The following NRXN3 variants were observed in gnomAD, a reference collection of about 807,000 sequenced individuals.
NRXN3 encodes neurexin III.
In NRXN3, 32 loss-of-function variants were observed where a neutral mutation model predicts 137.6. The ratio of observed to expected loss-of-function variants is 0.23; its 90% confidence interval spans 0.18 to 0.31. NRXN3 has a LOEUF of 0.31. Among genes scored for constraint, NRXN3 ranks in the 10% least tolerant of loss-of-function variants. The pLI is 1.00. For missense variants in NRXN3, 1,574 were observed against 2,062.5 expected (o/e 0.76, Z 4.59); for synonymous variants, 798 against 784.5 (o/e 1.02, Z -0.29).
At chr14:78,720,128 C>T (rs1162144573) in intron 8 of NRXN3, among the ~76,000 whole-genome samples, 1 of 151,828 alleles carries the variant, frequency 6.6e-6, no homozygotes, top group African/African-American at 2.4e-5. Context: ...TTTTAGGTCT[C>T]TTCTTGGCCT....
intron 16 of NRXN3, among the ~76,000 whole-genome samples, chr14:79,600,841 G>T (rs1302721377): frequency 6.6e-6 from 1 of 151,884 alleles, no homozygotes; most frequent in African/African-American, 2.4e-5. Flanking sequence ...TGAGCCCGGA[G>T]AATCTGGTAG....
At chr14:78,242,231 C>T (rs1280728513) in intron 1 of NRXN3, among the ~76,000 whole-genome samples, 160 bp from the exon 2 acceptor site, 7 of 152,124 alleles carry the variant, frequency 4.6e-5, no homozygotes, top group African/African-American at 1.7e-4. Flanking sequence ...TGGAAGAACC[C>T]ACGGCCTCCC....
intron 2 of NRXN3, among the ~76,000 whole-genome samples, chr14:78,257,611 T>C (rs1027244762): frequency 1.3e-5 from 2 of 152,212 alleles, no homozygotes; most frequent in Non-Finnish European, 2.9e-5. Flanking sequence ...GGCAGCTCTA[T>C]GAGAGAGCAG....
At chr14:79,684,721 A>C (rs898747580) in intron 17 of NRXN3, among the ~76,000 whole-genome samples, 1 of 152,172 alleles carries the variant, frequency 6.6e-6, no homozygotes, top group Non-Finnish European at 1.5e-5. Context: ...AATTTTAAAA[A>C]ATCAAATATT....
chr14:78,596,637 G>A (rs1341410058), intron 4 of NRXN3, among the ~76,000 whole-genome samples: 7 of 152,234 alleles, frequency 4.6e-5, no homozygotes, highest in East Asian at 3.9e-4. Flanking sequence ...CAGTCTTAAA[G>A]AGCCATAGAG....
At chr14:79,304,802 C>T (rs1443390364) in intron 15 of NRXN3, among the ~76,000 whole-genome samples, 2 of 152,052 alleles carry the variant, frequency 1.3e-5, no homozygotes, top group Non-Finnish European at 2.9e-5. Flanking sequence ...ACCATTGAAG[C>T]ATTCTTCAAG....
chr14:79,358,597 A>G (rs1188693343), intron 15 of NRXN3, among the ~76,000 whole-genome samples: 2 of 81,792 alleles, frequency 2.4e-5, no homozygotes, highest in East Asian at 3.4e-4. Context: ...GAAAGAAAGA[A>G]AGAAAGAAAG....
At position 78,778,756 on chromosome 14, in the gene NRXN3, TTCTC is replaced by T. The variant is rs1167568829; in HGVS notation, c.2045-24862_2045-24859del. On this transcript the variant is annotated intron_variant, in intron 8 of 20. Coordinates refer to ENST00000335750, the MANE Select transcript of NRXN3 (RefSeq NM_001330195.2). Reference sequence around the variant, plus strand: ...TCTCTCTCTTTCTTTCTTTCCTTCTTTCTCTTTCTTTCTTTCTTTCTTTCTTTCT... The same window carrying T: ...TCTCTCTCTTTCTTTCTTTCCTTCTTTTTCTTTCTTTCTTTCTTTCTTTCT... Among the ~76,000 whole-genome samples the T allele has an allele frequency of 3.4e-3, 392 of 116,758 alleles. 3 individuals carry two copies. Among genetic ancestry groups the T allele is most frequent in the African/African-American group, 0.013 (368 of 28,848 alleles). 76.6% of individuals were successfully genotyped at this position (116,758 alleles called of 152,430 possible). A position where few individuals can be genotyped will look rare whatever the true frequency, so the allele number is the denominator to read the frequency against.
At chr14:78,215,537 G>A (rs1038159291) in intron 1 of NRXN3, among the ~76,000 whole-genome samples, 1 of 152,094 alleles carries the variant, frequency 6.6e-6, no homozygotes, top group Non-Finnish European at 1.5e-5. Context: ...ATCCCAGAAA[G>A]AACTTTCTGG....
chr14:79,556,629 C>T (rs1359099231), intron 16 of NRXN3, among the ~76,000 whole-genome samples: 1 of 152,122 alleles, frequency 6.6e-6, no homozygotes, highest in East Asian at 1.9e-4. Context: ...AATCACAACC[C>T]ACTGCAGCCT....
chr14:79,002,666 C>G (rs911391778), intron 15 of NRXN3, among the ~76,000 whole-genome samples: 1 of 152,116 alleles, frequency 6.6e-6, no homozygotes, highest in Admixed American at 6.5e-5. Flanking sequence ...GTGAATAGTG[C>G]TGCAATGAAC....
intron 10 of NRXN3, among the ~76,000 whole-genome samples, chr14:78,932,551 C>A (rs777882550): frequency 5.3e-5 from 8 of 151,996 alleles, no homozygotes; most frequent in Non-Finnish European, 8.8e-5. Flanking sequence ...ACAACTCCTG[C>A]AAAAAGGATG....
At chr14:78,295,580 A>G (rs766220500) in intron 3 of NRXN3, among the ~76,000 whole-genome samples, 1 of 152,196 alleles carries the variant, frequency 6.6e-6, no homozygotes, top group Non-Finnish European at 1.5e-5. Context: ...TTTGATTTAT[A>G]TGCCACTCTA....
At chr14:79,558,466 A>G (rs1256069342) in intron 16 of NRXN3, among the ~76,000 whole-genome samples, 1 of 152,178 alleles carries the variant, frequency 6.6e-6, no homozygotes, top group Admixed American at 6.6e-5. Flanking sequence ...AAGCAATCAT[A>G]ATCTTCCTGT....
chr14:79,292,311 C>T (rs1298864047), intron 15 of NRXN3, among the ~76,000 whole-genome samples: 1 of 152,166 alleles, frequency 6.6e-6, no homozygotes, highest in East Asian at 1.9e-4. Flanking sequence ...AGTGAGGGAC[C>T]CCCTCTCCTT....
chr14:78,612,915 G>A (rs2097312184), intron 4 of NRXN3, among the ~76,000 whole-genome samples: 1 of 152,188 alleles, frequency 6.6e-6, no homozygotes, highest in Admixed American at 6.5e-5. Context: ...GGTTGCTGTT[G>A]CTTGGTTTCT....
intron 10 of NRXN3, among the ~76,000 whole-genome samples, chr14:78,849,920 C>T (rs1322798024): frequency 6.6e-6 from 1 of 152,088 alleles, no homozygotes; most frequent in African/African-American, 2.4e-5. Context: ...ATGTTGACAG[C>T]AAAGATTTCA....
At chr14:79,512,450 A>G (rs2096940825) in intron 16 of NRXN3, among the ~76,000 whole-genome samples, 1 of 152,232 alleles carries the variant, frequency 6.6e-6, no homozygotes, top group Admixed American at 6.5e-5. Flanking sequence ...TAAGTAATCT[A>G]TAAACAATGT....
At chr14:78,294,324 G>A (rs1165903275) in intron 3 of NRXN3, among the ~76,000 whole-genome samples, 1 of 152,152 alleles carries the variant, frequency 6.6e-6, no homozygotes, top group Non-Finnish European at 1.5e-5. Context: ...GAAGGCTGCA[G>A]CGGGCAGATC....
Sources: gnomAD v4.1 joint callset for allele counts (sites outside exome capture counted in the v4.1 genomes callset) on GRCh38, gnomAD v4.1.1 for gene constraint, MANE v1.5 for transcripts, NCBI Gene and HGNC (gene_info 2026-07-23, HGNC 2026-07-21) for gene names.